CCDC152: variants seen among roughly 807,000 people sequenced by gnomAD.
CCDC152 encodes the protein coiled-coil domain-containing protein 152.
Under a neutral mutation model 38.1 loss-of-function variants are expected in CCDC152, and 37 were observed. That is an observed-to-expected ratio of 0.97 (90% CI 0.75 to 1.28). The LOEUF (loss-of-function observed/expected upper bound fraction) is 1.28, where lower values mean the gene tolerates loss of function less well. Ranked by LOEUF, CCDC152 falls within the 50% of genes most tolerant of loss-of-function variation. CCDC152 has a pLI of 0.00. For synonymous variants in CCDC152, 83 were observed against 87.1 expected (o/e 0.95, Z 0.26); for missense variants, 259 against 292.1 (o/e 0.89, Z 0.83).
chr5:42,771,137 A>G (rs1272741659), intron 4 of CCDC152, among the ~76,000 whole-genome samples: 1 of 152,176 alleles, frequency 6.6e-6, no homozygotes, highest in African/African-American at 2.4e-5. Context: ...ACTATGTTGA[A>G]AAGAAGAGGC....
intron 4 of CCDC152, among the ~76,000 whole-genome samples, chr5:42,777,093 A>G (rs907285239): frequency 9.9e-5 from 15 of 152,180 alleles, no homozygotes; most frequent in African/African-American, 3.4e-4. Flanking sequence ...CAAGAAATCA[A>G]TAGAGAGCAA....
At chr5:42,766,933 G>A (rs903168828) in intron 3 of CCDC152, among the ~76,000 whole-genome samples, 1 of 152,064 alleles carries the variant, frequency 6.6e-6, no homozygotes, top group East Asian at 1.9e-4. Flanking sequence ...TTATAACTCA[G>A]TTGATAAATG....
chr5:42,787,578 T>G (rs1759939323), intron 6 of CCDC152, among the ~76,000 whole-genome samples: 1 of 152,160 alleles, frequency 6.6e-6, no homozygotes, highest in Non-Finnish European at 1.5e-5. Context: ...GTTCCAGTGT[T>G]GGGCACAGTT....
intron 5 of CCDC152, among the ~76,000 whole-genome samples, chr5:42,781,646 A>G (rs753824858): frequency 8.5e-5 from 13 of 152,082 alleles, no homozygotes; most frequent in Non-Finnish European, 1.9e-4. Context: ...TCAAAAGCCT[A>G]TTCACTGGCT....
chr5:42,797,729 T>G (rs999019577), intron 7 of CCDC152, among the ~76,000 whole-genome samples: 1 of 152,170 alleles, frequency 6.6e-6, no homozygotes, highest in Non-Finnish European at 1.5e-5. Context: ...AAAACAAATT[T>G]CTTCCTAATA....
intron 7 of CCDC152, among the ~76,000 whole-genome samples, chr5:42,798,247 C>CT (rs1489699542): frequency 3.3e-5 from 5 of 152,210 alleles, no homozygotes; most frequent in African/African-American, 1.2e-4. Context: ...TTTCTAGACT[C>CT]TATCAATCTA....
chr5:42,762,758 G>T (rs1435329256), intron 3 of CCDC152, among the ~76,000 whole-genome samples: 1 of 152,120 alleles, frequency 6.6e-6, no homozygotes, highest in Non-Finnish European at 1.5e-5. Context: ...AACATAGAAT[G>T]AGACAAGTTA....
rs1760161140 is a variant in CCDC152 at position 42,800,584 on chromosome 5, A to G, written c.*803A>G. 2 of 1,070,992 alleles carry G rather than the reference A, an allele frequency of 1.9e-6. No homozygotes were observed. The highest frequency in any genetic ancestry group is 5.2e-5 in the Admixed American group (2 of 38,262). 66.3% of individuals were successfully genotyped at this position (1,070,992 alleles called of 1,614,324 possible). Reference sequence around the variant, plus strand: ...TATGACATAAAATTTAAAATCTGGAAGCCAATTCAGTAGATTTCTCCATGT... The same window carrying G: ...TATGACATAAAATTTAAAATCTGGAGGCCAATTCAGTAGATTTCTCCATGT... On this transcript the variant is annotated 3_prime_UTR_variant, in exon 9 of 9. Transcript: ENST00000361970.
chr5:42,799,491 TA>T, intron 8 of CCDC152, 33 bp downstream of exon 8: 1 of 1,365,990 alleles, frequency 7.3e-7, no homozygotes, highest in Non-Finnish European at 1.0e-6. Context: ...ATTTGTTGCT[TA>T]AGAAAACTTT....
chr5:42,772,469 A>G (rs1296086395), intron 4 of CCDC152, among the ~76,000 whole-genome samples: 1 of 152,090 alleles, frequency 6.6e-6, no homozygotes, highest in Non-Finnish European at 1.5e-5. Flanking sequence ...CAACATGGTG[A>G]AACCCCGCCT....
At chr5:42,760,599 G>A (rs1759539819) in intron 2 of CCDC152, among the ~76,000 whole-genome samples, 1 of 152,138 alleles carries the variant, frequency 6.6e-6, no homozygotes, top group African/African-American at 2.4e-5. Context: ...TGAAAGAATT[G>A]GGAAGTGACT....
intron 4 of CCDC152, among the ~76,000 whole-genome samples, chr5:42,774,439 T>C (rs1759744506): frequency 6.6e-6 from 1 of 152,222 alleles, no homozygotes; most frequent in African/African-American, 2.4e-5. Context: ...TAACAAAGCC[T>C]GACTTGAAAG....
intron 6 of CCDC152, among the ~76,000 whole-genome samples, chr5:42,784,764 G>A (rs1167134187): frequency 6.6e-6 from 1 of 152,088 alleles, no homozygotes; most frequent in Non-Finnish European, 1.5e-5. Flanking sequence ...TCAATCTTGA[G>A]TTAATTTTTG....
At chr5:42,796,217 T>C (rs1760073682) in intron 6 of CCDC152, among the ~76,000 whole-genome samples, 1 of 150,404 alleles carries the variant, frequency 6.6e-6, no homozygotes, top group South Asian at 2.1e-4. Context: ...ATGGTGCACA[T>C]GTACCCTAAA....
Position 42,796,865 on chromosome 5 carries a change from A to C in CCDC152, c.467A>C (p.Glu156Ala), listed in dbSNP as rs1689817413. 6.6e-7 allele frequency: 1 copy of C among 1,522,576 alleles called. No homozygotes were observed. The highest frequency in any genetic ancestry group is 1.3e-5 in the South Asian group (1 of 78,494). 94.3% of individuals were successfully genotyped at this position (1,522,576 alleles called of 1,614,324 possible). A position where few individuals can be genotyped will look rare whatever the true frequency, so the allele number is the denominator to read the frequency against. The change falls in exon 7 of 9, where the codon GAG (glutamate) becomes GCG (alanine). Residue 156 changes from glutamate to alanine, a missense_variant. Glu to Ala is a moderately radical substitution (Grantham distance 107). Transcript: ENST00000361970. ...GAAGAAAAGCACAAAGAACTAATAG[A>C]GAAAAAGGAGATGGAAATTTCAGAG... ...LNEEKHKELI[E>A]KKEMEISELN...
At chr5:42,779,804 C>T (rs1579714652) in intron 5 of CCDC152, among the ~76,000 whole-genome samples, 1 of 151,924 alleles carries the variant, frequency 6.6e-6, no homozygotes, top group African/African-American at 2.4e-5. Context: ...AGTTATTTTG[C>T]TACATAATTT....
intron 5 of CCDC152, 49 bp downstream of exon 5, chr5:42,779,571 C>G: frequency 2.0e-6 from 2 of 1,022,734 alleles, no homozygotes; most frequent in Non-Finnish European, 2.8e-6. Context: ...GGAGATTTAT[C>G]TTTTCAAATT....
In CCDC152 at chr5:42,769,667, T is replaced by A. The variant is rs1465146313; in HGVS notation, c.262+2T>A. On this transcript the variant is annotated splice_donor_variant, in intron 4 of 8. Coordinates refer to ENST00000361970, the MANE Select transcript of CCDC152 (RefSeq NM_001134848.2). LOFTEE classifies it high-confidence loss of function. ...TTGAATATCAACAGAATTTGAAAGG[T>A]AAGTTAGAAAAAAAAGTAAAATCTA... 6.8e-7 allele frequency: 1 copy of A among 1,476,418 alleles called. No individual in the cohort carries two copies. 91.5% of individuals were successfully genotyped at this position (1,476,418 alleles called of 1,614,324 possible).
chr5:42,788,165 GA>G (rs1327623182), intron 6 of CCDC152, among the ~76,000 whole-genome samples: 5 of 151,234 alleles, frequency 3.3e-5, no homozygotes, highest in East Asian at 1.9e-4. Context: ...TACTTATTTG[GA>G]AAAAAACTTT....
Sources: allele counts gnomAD v4.1 joint callset (sites outside exome capture counted in the v4.1 genomes callset), GRCh38; gene constraint gnomAD v4.1.1; transcripts MANE v1.5; gene names NCBI Gene and HGNC (gene_info 2026-07-23, HGNC 2026-07-21).